Variants in FAM13A observed in about 807,000 individuals in gnomAD.
The protein encoded by FAM13A is protein FAM13A.
In FAM13A, 76 loss-of-function variants were observed where a neutral mutation model predicts 129.6. That is an observed-to-expected ratio of 0.59 (90% CI 0.49 to 0.71). FAM13A has a LOEUF of 0.71. Among genes scored for constraint, FAM13A ranks in the 30% least tolerant of loss-of-function variants. The probability of loss-of-function intolerance (pLI) is 0.00; values close to 1 mark genes in which losing one functional copy is unlikely to be tolerated. For missense variants in FAM13A, 1,108 were observed against 1,249.3 expected, an observed-to-expected ratio of 0.89 and a Z score of 1.70; for synonymous variants, 443 against 449.9, an observed-to-expected ratio of 0.98 and a Z score of 0.20.
At chr4:89,026,520 A>C (rs1807870) in intron 2 of FAM13A, among the ~76,000 whole-genome samples, 1 of 151,988 alleles carries the variant, frequency 6.6e-6, no homozygotes, top group Non-Finnish European at 1.5e-5. Context: ...AGGTTTAACT[A>C]ACTCACAGTT....
chr4:89,038,718 C>T (rs1169600853), intron 1 of FAM13A, among the ~76,000 whole-genome samples: 1 of 152,014 alleles, frequency 6.6e-6, no homozygotes, highest in East Asian at 1.9e-4. Context: ...AAAGTTAAGG[C>T]CTTCTTTACA....
chr4:88,956,816 G>A (rs965773843), intron 4 of FAM13A, among the ~76,000 whole-genome samples: 7 of 152,020 alleles, frequency 4.6e-5, no homozygotes, highest in East Asian at 1.9e-4. Context: ...CTGACTCTCC[G>A]GCCACCTATA....
chr4:88,748,535 C>G (rs953831768), intron 17 of FAM13A, among the ~76,000 whole-genome samples: 6 of 152,140 alleles, frequency 3.9e-5, no homozygotes, highest in Admixed American at 3.9e-4. Flanking sequence ...ACTTTGTATT[C>G]TATTTAGTTG....
chr4:88,835,845 C>T (rs539840750), intron 7 of FAM13A, among the ~76,000 whole-genome samples: 6 of 152,112 alleles, frequency 3.9e-5, no homozygotes, highest in Non-Finnish European at 8.8e-5. Flanking sequence ...CACTCACCTG[C>T]TGCTCACCTC....
intron 4 of FAM13A, among the ~76,000 whole-genome samples, chr4:88,965,761 T>C (rs1759270317): frequency 6.6e-6 from 1 of 152,234 alleles, no homozygotes; most frequent in Non-Finnish European, 1.5e-5. Context: ...CATTCTACCG[T>C]TTCTGTGAAT....
At chr4:89,056,489 A>G (rs1305848870) in intron 1 of FAM13A, among the ~76,000 whole-genome samples, 1 of 152,232 alleles carries the variant, frequency 6.6e-6, no homozygotes, top group East Asian at 1.9e-4. Context: ...CAGAAACTCC[A>G]GAATTACTAA....
chr4:88,731,317 C>T lies in FAM13A; in HGVS notation c.2945+10G>A, dbSNP rs1737731196. The T allele has an allele frequency of 2.6e-6, 4 of 1,527,926 alleles. No homozygotes were observed. The highest frequency in any genetic ancestry group is 3.6e-6 in the Non-Finnish European group (4 of 1,108,972). The allele number at this position is 1,527,926 out of a possible 1,614,324, so 94.6% of individuals were successfully genotyped here. A position where few individuals can be genotyped will look rare whatever the true frequency, so the allele number is the denominator to read the frequency against. ...GGGGGGAAGGGAGGGTGGGGGAAGA[C>T]AGGCACTACCTTCCATTCTGTCTGA... is the stretch of plus-strand genomic sequence containing the variant. On this transcript the variant is annotated intron_variant, in intron 23 of 23. Coordinates refer to ENST00000264344, the MANE Select transcript of FAM13A (RefSeq NM_014883.4).
intron 4 of FAM13A, among the ~76,000 whole-genome samples, chr4:88,966,330 T>C (rs1031766691): frequency 1.3e-5 from 2 of 152,206 alleles, no homozygotes; most frequent in Non-Finnish European, 2.9e-5. Flanking sequence ...TCATATTCAC[T>C]CATTCCTTCT....
At chr4:88,949,500 A>C (rs1228451957) in intron 4 of FAM13A, among the ~76,000 whole-genome samples, 1 of 152,212 alleles carries the variant, frequency 6.6e-6, no homozygotes, top group African/African-American at 2.4e-5. Flanking sequence ...CAGGTTTAAC[A>C]ACCATTTTAA....
chr4:89,020,136 A>G (rs531635750), intron 3 of FAM13A, among the ~76,000 whole-genome samples: 2 of 152,276 alleles, frequency 1.3e-5, no homozygotes, highest in South Asian at 4.1e-4. Flanking sequence ...TAATCAGTCT[A>G]GTATGATTTT....
chr4:88,909,104 A>C (rs1748620591), intron 5 of FAM13A, among the ~76,000 whole-genome samples: 1 of 152,226 alleles, frequency 6.6e-6, no homozygotes. Flanking sequence ...TGTATCTGAG[A>C]AAGTTGAAAA....
At chr4:88,897,184 T>C (rs1272901101) in intron 6 of FAM13A, among the ~76,000 whole-genome samples, 1 of 152,242 alleles carries the variant, frequency 6.6e-6, no homozygotes, top group Non-Finnish European at 1.5e-5. Context: ...TATGTTGTTC[T>C]ACATTCTATA....
intron 3 of FAM13A, 132 bp from the exon 4 acceptor site, chr4:88,991,282 T>A: frequency 1.7e-6 from 1 of 604,614 alleles, no homozygotes; most frequent in Non-Finnish European, 2.8e-6. Context: ...GCCTTGTGTA[T>A]TTGACTTTAT....
intron 6 of FAM13A, among the ~76,000 whole-genome samples, chr4:88,865,406 GTAAA>G (rs1367823881): frequency 9.5e-4 from 145 of 152,326 alleles, no homozygotes; most frequent in Middle Eastern, 3.4e-3. Context: ...CTTGCAGACA[GTAAA>G]TAGTTTATAC....
Position 88,731,392 on chromosome 4 carries a change from T to G in FAM13A, c.2880A>C (p.Glu960Asp). 6.2e-7 allele frequency: 1 copy of G among 1,606,078 alleles called. No homozygotes were observed. Among genetic ancestry groups the G allele is most frequent in the Non-Finnish European group, 8.5e-7 (1 of 1,179,282 alleles). The change falls in exon 23 of 24, where the codon GAA becomes GAC. Residue 960 changes from glutamate to aspartate, a missense_variant. Glu to Asp is a conservative substitution (Grantham distance 45). Coordinates refer to ENST00000264344, the MANE Select transcript of FAM13A (RefSeq NM_014883.4). ...GTTTCTTTCGAATCCTTTTCTTTTC[T>G]TCTCTCATTTCCTGGAGGTGTTCCA... ...ELLEHLQEMR[E>D]EKKRIRKKLR...
At chr4:89,028,692 TA>T (rs1352618527) in intron 2 of FAM13A, among the ~76,000 whole-genome samples, 5 of 150,678 alleles carry the variant, frequency 3.3e-5, no homozygotes, top group African/African-American at 7.3e-5. Context: ...CCCTATCTCT[TA>T]AAAAAAGATG....
intron 3 of FAM13A, chr4:89,008,840 T>G (rs2149078360): frequency 6.6e-6 from 1 of 152,350 alleles, no homozygotes. Flanking sequence ...TATTTATATC[T>G]ACAATATTGT....
At position 88,964,378 on chromosome 4, in the gene FAM13A, A is replaced by G. The variant is rs912089661; in HGVS notation, c.606-26137T>C. ...CTATAAGAAAGATACAAACTAATGC[A>G]GGTAGGTCATTGTGTATTTTTGGAG... is the stretch of plus-strand genomic sequence containing the variant. On this transcript the variant is annotated intron_variant, in intron 4 of 23. Coordinates refer to ENST00000264344, the MANE Select transcript of FAM13A (RefSeq NM_014883.4). Among the ~76,000 whole-genome samples, 4 of 152,298 alleles carry G rather than the reference A, an allele frequency of 2.6e-5. No individual in the cohort carries two copies. In the East Asian group the frequency reaches 7.7e-4, roughly 29 times the overall value.
intron 7 of FAM13A, among the ~76,000 whole-genome samples, chr4:88,847,117 A>G (rs188121693): frequency 6.6e-6 from 1 of 152,374 alleles, no homozygotes; most frequent in East Asian, 1.9e-4. Context: ...ATCTATGGAT[A>G]GAGACAGGAA....
Sources: gnomAD v4.1 joint callset for allele counts (sites outside exome capture counted in the v4.1 genomes callset) on GRCh38, gnomAD v4.1.1 for gene constraint, MANE v1.5 for transcripts, NCBI Gene and HGNC (gene_info 2026-07-23, HGNC 2026-07-21) for gene names.